The following LRFN2 variants were observed in gnomAD, a reference collection of about 807,000 sequenced individuals.
LRFN2 encodes the protein leucine rich repeat and fibronectin type III domain containing 2, also known as leucine-rich repeat and fibronectin type-III domain-containing protein 2.
A neutral mutation model predicts 37.3 loss-of-function variants in LRFN2; 18 were observed. That is an observed-to-expected ratio of 0.48 (90% confidence interval 0.33 to 0.72). The LOEUF is 0.72. LRFN2 is among the 30% of genes least tolerant of loss of function. The pLI is 0.02. For synonymous variants in LRFN2, 556 were observed against 466.6 expected, an observed-to-expected ratio of 1.19 and a Z score of -2.47; for missense variants, 1,006 against 1,060.7, an observed-to-expected ratio of 0.95 and a Z score of 0.72.
In LRFN2 at chr6:40,432,177, T is replaced by A. The variant is rs1763513605; in HGVS notation, c.937A>T (p.Ile313Phe). The A allele has an allele frequency of 1.2e-6, 2 of 1,613,822 alleles. No individual in the cohort carries two copies. The highest frequency in any genetic ancestry group is 1.7e-6 in the Non-Finnish European group (2 of 1,180,018). ...TGGATAAGGGGGCTGGGGTCCCCAA[T>A]GGCTTTGCACTTGAGTGTGGCCGCC... ...GQAATLKCKA[I>F]GDPSPLIHWV... The change falls in exon 2 of 3, where the codon ATT becomes TTT. Residue 313 changes from isoleucine to phenylalanine, a missense_variant. Ile to Phe is a conservative substitution (Grantham distance 21). This residue lies in a region of LRFN2 where 303 missense variants were observed against 299.8 expected (regional missense o/e 1.01). Coordinates refer to ENST00000338305, the MANE Select transcript of LRFN2 (RefSeq NM_020737.3).
At chr6:40,573,798 T>C (rs1028115465) in intron 1 of LRFN2, among the ~76,000 whole-genome samples, 2 of 152,088 alleles carry the variant, frequency 1.3e-5, no homozygotes, top group Non-Finnish European at 2.9e-5. Flanking sequence ...GCCAACATGG[T>C]GAAACCCCAT....
chr6:40,476,943 C>A (rs1364842663), intron 1 of LRFN2, among the ~76,000 whole-genome samples: 1 of 152,234 alleles, frequency 6.6e-6, no homozygotes, highest in Admixed American at 6.5e-5. Flanking sequence ...CTCAGGCCTG[C>A]TACAAAGTAG....
rs1031546371 is a variant in LRFN2, at chr6:40,391,691, TCTC to T, written c.*249_*251del. ...TACATTTGTGATTAGAAAGGCGGAG[TCTC>T]GCCTTTCCAAACACTCAGGGCTCAG... is the stretch of plus-strand genomic sequence containing the variant. On this transcript the variant is annotated 3_prime_UTR_variant, in exon 3 of 3. Coordinates refer to ENST00000338305, the MANE Select transcript of LRFN2 (RefSeq NM_020737.3). 2 of 384,030 alleles carry T rather than the reference TCTC, an allele frequency of 5.2e-6. No individual in the cohort carries two copies. Among genetic ancestry groups the T allele is most frequent in the Non-Finnish European group, 9.2e-6 (2 of 217,450 alleles). 23.8% of individuals were successfully genotyped at this position (384,030 alleles called of 1,614,324 possible). A position where few individuals can be genotyped will look rare whatever the true frequency, so the allele number is the denominator to read the frequency against.
At chr6:40,463,335 A>T (rs566292472) in intron 1 of LRFN2, among the ~76,000 whole-genome samples, 10 of 152,200 alleles carry the variant, frequency 6.6e-5, no homozygotes, top group African/African-American at 1.9e-4. Context: ...GAGGCTCTTT[A>T]TCTCTCCCCT....
intron 2 of LRFN2, among the ~76,000 whole-genome samples, chr6:40,429,190 A>G (rs1389653800): frequency 6.6e-6 from 1 of 152,170 alleles, no homozygotes; most frequent in Non-Finnish European, 1.5e-5. Flanking sequence ...TAGTGTCTCC[A>G]GGTTCTCAAT....
chr6:40,565,498 C>T (rs1381800641), intron 1 of LRFN2, among the ~76,000 whole-genome samples: 1 of 152,166 alleles, frequency 6.6e-6, no homozygotes, highest in African/African-American at 2.4e-5. Context: ...TACAAGGCTA[C>T]AGTAACCAAA....
chr6:40,490,702 C>T (rs1282153114), intron 1 of LRFN2, among the ~76,000 whole-genome samples: 1 of 152,208 alleles, frequency 6.6e-6, no homozygotes, highest in Non-Finnish European at 1.5e-5. Flanking sequence ...GCTCATAGCA[C>T]CCATTAGCCC....
intron 1 of LRFN2, among the ~76,000 whole-genome samples, chr6:40,480,389 C>T (rs183890972): frequency 5.9e-5 from 9 of 152,262 alleles, no homozygotes; most frequent in Admixed American, 5.2e-4. Flanking sequence ...GATGATCCTC[C>T]CACCTCAGCC....
intron 1 of LRFN2, among the ~76,000 whole-genome samples, chr6:40,449,585 G>A (rs141614245): frequency 2.0e-4 from 31 of 152,324 alleles, no homozygotes; most frequent in African/African-American, 7.0e-4. Flanking sequence ...ATAAGGTGGT[G>A]GCCAGGTTTG....
chr6:40,408,294 A>G (rs1762890626), intron 2 of LRFN2, among the ~76,000 whole-genome samples: 1 of 152,216 alleles, frequency 6.6e-6, no homozygotes, highest in South Asian at 2.1e-4. Flanking sequence ...GTGAGCAGGA[A>G]GAGGAGAGGT....
rs62395886 is a variant in LRFN2, at chr6:40,426,154, G to A, written c.1400+5560C>T. Among the ~76,000 whole-genome samples, 1,288 of 152,280 alleles carry A rather than the reference G, an allele frequency of 8.5e-3. 9 individuals carry two copies. The highest frequency in any genetic ancestry group is 0.012 in the Non-Finnish European group (822 of 68,024). ...CAGTGCCCCCAACTAGTAAAAGTAGGTGAATTTAGCAACAGTGGAAGCCAT... is the reference window on the plus strand; with the variant it reads ...CAGTGCCCCCAACTAGTAAAAGTAGATGAATTTAGCAACAGTGGAAGCCAT... On this transcript the variant is annotated intron_variant, in intron 2 of 2. Transcript: ENST00000338305.
At chr6:40,402,116 G>T (rs1762752820) in intron 2 of LRFN2, among the ~76,000 whole-genome samples, 1 of 152,228 alleles carries the variant, frequency 6.6e-6, no homozygotes, top group African/African-American at 2.4e-5. Context: ...TGCATGAGCT[G>T]CAAGGGAGTA....
At chr6:40,453,105 T>C (rs1173731095) in intron 1 of LRFN2, among the ~76,000 whole-genome samples, 10 of 152,170 alleles carry the variant, frequency 6.6e-5, no homozygotes, top group African/African-American at 2.4e-4. Flanking sequence ...AGAAGGGTCC[T>C]GATCACTATT....
intron 1 of LRFN2, among the ~76,000 whole-genome samples, chr6:40,475,600 G>A (rs1764692821): frequency 6.6e-6 from 1 of 152,158 alleles, no homozygotes; most frequent in African/African-American, 2.4e-5. Flanking sequence ...CATGGAATGG[G>A]GATGATGAGG....
At position 40,453,024 on chromosome 6, in the gene LRFN2, G is replaced by A. The variant is rs768166946; in HGVS notation, c.-18-19893C>T. Among the ~76,000 whole-genome samples the A allele has an allele frequency of 4.7e-4, 71 of 152,280 alleles. 2 individuals carry two copies. Among genetic ancestry groups the A allele is most frequent in the Admixed American group, 2.0e-4 (3 of 15,302 alleles). ...CTAGGTGTAAGAGATGAGCCCCATG[G>A]CAAACTGCATTGACAAAATAGGTGA... On this transcript the variant is annotated intron_variant, in intron 1 of 2. Transcript: ENST00000338305.
At chr6:40,548,205 C>T (rs1766698850) in intron 1 of LRFN2, among the ~76,000 whole-genome samples, 2 of 152,204 alleles carry the variant, frequency 1.3e-5, no homozygotes, top group South Asian at 2.1e-4. Context: ...TTTGGGAGGC[C>T]GAGGTGGGTG....
intron 1 of LRFN2, among the ~76,000 whole-genome samples, chr6:40,557,592 G>C (rs1766913909): frequency 6.6e-6 from 1 of 152,296 alleles, no homozygotes; most frequent in Non-Finnish European, 1.5e-5. Flanking sequence ...AAAGATGAGA[G>C]TGGGGTGTGC....
At chr6:40,551,609 A>C (rs1214562653) in intron 1 of LRFN2, among the ~76,000 whole-genome samples, 1 of 152,240 alleles carries the variant, frequency 6.6e-6, no homozygotes, top group African/African-American at 2.4e-5. Context: ...CAGGGAGTAG[A>C]TAGTGATTGA....
At position 40,432,961 on chromosome 6, in the gene LRFN2, G is replaced by A. The variant is rs772061892; in HGVS notation, c.153C>T (p.Asp51=). The A allele has an allele frequency of 6.8e-6, 11 of 1,613,650 alleles. No individual in the cohort carries two copies. Among genetic ancestry groups the A allele is most frequent in the Non-Finnish European group, 8.5e-6 (10 of 1,179,696 alleles). The stretch of plus-strand genomic sequence containing the variant: ...CCAGGCGCAGCTCCACTGTCCGCCG[G>A]TCAATATCAGGGGGTACAAAGAGCA... ...KGLLFVPPDI[D]RRTVELRLGG... The change falls in exon 2 of 3, where the codon GAC becomes GAT. Residue 51 remains aspartate (D), a synonymous_variant. Coordinates refer to ENST00000338305, the MANE Select transcript of LRFN2 (RefSeq NM_020737.3).
Sources: gnomAD v4.1 joint callset for allele counts (sites outside exome capture counted in the v4.1 genomes callset) on GRCh38, gnomAD v4.1.1 for gene constraint, gnomAD v4.1.1 regional missense constraint, MANE v1.5 for transcripts, NCBI Gene and HGNC (gene_info 2026-07-23, HGNC 2026-07-21) for gene names.